Variants in FHIT observed in about 807,000 individuals in gnomAD.
The protein encoded by FHIT is bis(5'-adenosyl)-triphosphatase.
Under a neutral mutation model 17.9 loss-of-function variants are expected in FHIT, and 19 were observed. The ratio of observed to expected loss-of-function variants is 1.06; its 90% CI spans 0.74 to 1.56. The LOEUF (loss-of-function observed/expected upper bound fraction) is 1.56, where lower values mean the gene tolerates loss of function less well. Ranked by LOEUF, FHIT falls within the 40% of genes most tolerant of loss-of-function variation. The pLI is 0.00. For missense variants in FHIT, 248 were observed against 189.2 expected (o/e 1.31, Z -1.82); for synonymous variants, 81 against 69.7 (o/e 1.16, Z -0.81).
intron 5 of FHIT, among the ~76,000 whole-genome samples, chr3:60,336,879 T>C (rs902705403): frequency 3.3e-5 from 5 of 149,984 alleles, no homozygotes; most frequent in African/African-American, 1.2e-4. Context: ...TGCAGTTGCA[T>C]TATGTCAAAG....
chr3:59,898,440 G>C (rs1427262351), intron 8 of FHIT, among the ~76,000 whole-genome samples: 1 of 142,744 alleles, frequency 7.0e-6, no homozygotes, highest in Non-Finnish European at 1.5e-5. Flanking sequence ...GCGTGTGTAT[G>C]TTTGTGTGTG....
At chr3:60,996,888 T>C (rs566903566) in intron 3 of FHIT, among the ~76,000 whole-genome samples, 78 of 152,372 alleles carry the variant, frequency 5.1e-4, no homozygotes, top group Non-Finnish European at 1.0e-3. Context: ...ATGCCGTATT[T>C]AGTGTGATCA....
chr3:60,136,146 C>T (rs1699807691), intron 5 of FHIT, among the ~76,000 whole-genome samples: 1 of 151,988 alleles, frequency 6.6e-6, no homozygotes, highest in South Asian at 2.1e-4. Context: ...ATCTGTTGGC[C>T]CAACAAATAT....
At chr3:60,429,501 AAAG>A (rs1025041270) in intron 5 of FHIT, among the ~76,000 whole-genome samples, 3 of 152,018 alleles carry the variant, frequency 2.0e-5, no homozygotes, top group African/African-American at 4.8e-5. Context: ...TGGGAAAACA[AAAG>A]AAGTTCTAGA....
At chr3:60,261,734 C>T (rs1237880969) in intron 5 of FHIT, among the ~76,000 whole-genome samples, 1 of 151,822 alleles carries the variant, frequency 6.6e-6, no homozygotes, top group Non-Finnish European at 1.5e-5. Flanking sequence ...GAGGAAACAG[C>T]AGAAGCAAGA....
intron 5 of FHIT, among the ~76,000 whole-genome samples, chr3:60,172,296 A>T (rs1036731456): frequency 6.6e-6 from 1 of 151,932 alleles, no homozygotes; most frequent in Non-Finnish European, 1.5e-5. Flanking sequence ...ATGGACTTTC[A>T]TTCTTGTTGC....
At chr3:60,695,647 C>A (rs995556666) in intron 4 of FHIT, among the ~76,000 whole-genome samples, 1 of 152,052 alleles carries the variant, frequency 6.6e-6, no homozygotes, top group Non-Finnish European at 1.5e-5. Context: ...TAGCAGAGTG[C>A]CTAATCCCTA....
At chr3:60,060,775 C>G (rs1702264948) in intron 5 of FHIT, among the ~76,000 whole-genome samples, 1 of 152,168 alleles carries the variant, frequency 6.6e-6, no homozygotes, top group South Asian at 2.1e-4. Context: ...TTGTTTTCTA[C>G]TGGAGTGTAC....
chr3:60,566,894 A>C (rs2037155370), intron 4 of FHIT, among the ~76,000 whole-genome samples: 1 of 146,364 alleles, frequency 6.8e-6, no homozygotes, highest in African/African-American at 2.6e-5. Context: ...TAGGAATCCA[A>C]CTTACAAGGG....
intron 7 of FHIT, among the ~76,000 whole-genome samples, chr3:59,949,031 T>C (rs1251275343): frequency 6.6e-6 from 1 of 152,182 alleles, no homozygotes; most frequent in African/African-American, 2.4e-5. Context: ...TTTTCAACCC[T>C]TACCTCCTCT....
intron 3 of FHIT, among the ~76,000 whole-genome samples, chr3:60,955,610 A>G (rs112242943): frequency 3.8e-4 from 5 of 13,118 alleles, no homozygotes; most frequent in African/African-American, 8.9e-4. Flanking sequence ...ATATATATAT[A>G]TATATATATA....
At chr3:60,522,948 C>T (rs1215884403) in intron 5 of FHIT, among the ~76,000 whole-genome samples, 2 of 152,150 alleles carry the variant, frequency 1.3e-5, no homozygotes, top group East Asian at 3.9e-4. Flanking sequence ...CATAGTTCCA[C>T]GTGGCTGGGG....
chr3:60,443,362 G>A (rs2031064110), intron 5 of FHIT, among the ~76,000 whole-genome samples: 1 of 152,080 alleles, frequency 6.6e-6, no homozygotes, highest in East Asian at 1.9e-4. Context: ...GTTTTCAAAG[G>A]GAATGCTTCC....
chr3:61,065,282 C>T (rs1041390177), intron 2 of FHIT, among the ~76,000 whole-genome samples: 1 of 107,720 alleles, frequency 9.3e-6, no homozygotes, highest in Non-Finnish European at 2.3e-5. Flanking sequence ...CACACACACA[C>T]ACACACACAC....
chr3:61,027,732 G>T (rs909652949), intron 3 of FHIT, among the ~76,000 whole-genome samples: 10 of 152,190 alleles, frequency 6.6e-5, no homozygotes, highest in African/African-American at 1.9e-4. Context: ...TTCATCAGTT[G>T]CAAACATAGA....
intron 5 of FHIT, among the ~76,000 whole-genome samples, chr3:60,307,362 T>C (rs573267873): frequency 6.6e-6 from 1 of 152,168 alleles, no homozygotes; most frequent in African/African-American, 2.4e-5. Context: ...AAGAAATGTC[T>C]GTAATACTTC....
intron 2 of FHIT, among the ~76,000 whole-genome samples, chr3:61,187,974 A>C (rs2038575944): frequency 6.6e-6 from 1 of 152,240 alleles, no homozygotes; most frequent in Non-Finnish European, 1.5e-5. Context: ...CCATAAGACA[A>C]AGCAGAAAAG....
At chr3:61,210,728 G>A (rs964857876) in intron 1 of FHIT, among the ~76,000 whole-genome samples, 33 of 152,052 alleles carry the variant, frequency 2.2e-4, no homozygotes, top group African/African-American at 8.0e-4. Context: ...ACTAGGAAAG[G>A]GAATTCACTG....
intron 7 of FHIT, among the ~76,000 whole-genome samples, chr3:59,986,534 T>C (rs1361187165): frequency 0.44 from 5,210 of 11,800 alleles, 695 homozygotes; most frequent in Admixed American, 0.51. Context: ...TATATATATA[T>C]ATATATACAC....
Sources: allele counts gnomAD v4.1 joint callset (sites outside exome capture counted in the v4.1 genomes callset), GRCh38; gene constraint gnomAD v4.1.1; transcripts MANE v1.5; gene names NCBI Gene and HGNC (gene_info 2026-07-23, HGNC 2026-07-21).